The following HOMER1 variants were observed in gnomAD, a reference collection of about 807,000 sequenced individuals.
HOMER1 encodes the protein homer protein homolog 1.
HOMER1 carries 3 observed loss-of-function variants against 48.9 expected under a neutral mutation model. The observed-to-expected ratio is 0.06, with a 90% CI of 0.03 to 0.16. The LOEUF (loss-of-function observed/expected upper bound fraction) is 0.16. Among genes scored for constraint, HOMER1 ranks in the 10% least tolerant of loss-of-function variants. HOMER1 has a pLI of 1.00. For synonymous variants in HOMER1, 134 were observed against 146.4 expected, an observed-to-expected ratio of 0.92 and a Z score of 0.61; for missense variants, 247 against 411.4, an observed-to-expected ratio of 0.60 and a Z score of 3.46.
At chr5:79,384,073 G>C (rs1749047630) in intron 8 of HOMER1, among the ~76,000 whole-genome samples, 1 of 145,496 alleles carries the variant, frequency 6.9e-6, no homozygotes, top group Admixed American at 6.9e-5. Flanking sequence ...ATTTCAAATA[G>C]CAATCTAACA....
intron 1 of HOMER1, among the ~76,000 whole-genome samples, chr5:79,464,881 A>C (rs1751413106): frequency 6.6e-6 from 1 of 152,206 alleles, no homozygotes; most frequent in South Asian, 2.1e-4. Context: ...ATGGCTACCC[A>C]ACACATAATT....
intron 1 of HOMER1, among the ~76,000 whole-genome samples, chr5:79,503,791 G>A (rs1468091864): frequency 6.6e-6 from 1 of 151,860 alleles, no homozygotes; most frequent in Non-Finnish European, 1.5e-5. Flanking sequence ...TCCATTAAGT[G>A]GAAGTCGATC....
chr5:79,478,695 T>A (rs1440183327), intron 1 of HOMER1, among the ~76,000 whole-genome samples: 1 of 152,064 alleles, frequency 6.6e-6, no homozygotes, highest in Non-Finnish European at 1.5e-5. Context: ...CTCATGCCTG[T>A]AATCCCAGCA....
At chr5:79,405,063 A>C (rs1289967321) in intron 5 of HOMER1, among the ~76,000 whole-genome samples, 1 of 151,940 alleles carries the variant, frequency 6.6e-6, no homozygotes, top group Non-Finnish European at 1.5e-5. Context: ...TCCAAAACTC[A>C]TATATTGAAG....
intron 5 of HOMER1, among the ~76,000 whole-genome samples, chr5:79,424,534 A>C (rs965501676): frequency 7.9e-5 from 12 of 152,012 alleles, no homozygotes; most frequent in African/African-American, 2.9e-4. Flanking sequence ...ATAAACAAAA[A>C]CTTATGATTA....
intron 8 of HOMER1, among the ~76,000 whole-genome samples, chr5:79,380,723 T>A (rs1561341364): frequency 6.6e-6 from 1 of 151,548 alleles, no homozygotes; most frequent in African/African-American, 2.4e-5. Context: ...AATCGGGGGG[T>A]AGGGGGAGTG....
At position 79,513,108 on chromosome 5, in the gene HOMER1, G is replaced by A. The variant is rs1365883927; in HGVS notation, c.-334C>T. 4 of 352,228 alleles carry A rather than the reference G, an allele frequency of 1.1e-5. No individual in the cohort carries two copies. Among genetic ancestry groups the A allele is most frequent in the Non-Finnish European group, 1.6e-5 (3 of 192,938 alleles). The allele number at this position is 352,228 out of a possible 1,614,324, so 21.8% of individuals were successfully genotyped here. On this transcript the variant is annotated 5_prime_UTR_variant, in exon 1 of 9. Coordinates refer to ENST00000334082, the MANE Select transcript of HOMER1 (RefSeq NM_004272.5). ...CTTCACCGAGTCCTATAAAAAATGA[G>A]TTCGCTGGTCATTTCACTCATGTCC...
At chr5:79,460,622 AT>A (rs1197028586) in intron 1 of HOMER1, among the ~76,000 whole-genome samples, 3 of 152,064 alleles carry the variant, frequency 2.0e-5, no homozygotes, top group Non-Finnish European at 4.4e-5. Context: ...TAAGTAATAG[AT>A]TGGATATAGG....
intron 1 of HOMER1, among the ~76,000 whole-genome samples, chr5:79,478,815 G>A (rs994076274): frequency 5.9e-5 from 9 of 152,280 alleles, no homozygotes; most frequent in Admixed American, 5.9e-4. Flanking sequence ...AGCCGGGTAT[G>A]ATGGTGGGTG....
At chr5:79,494,996 T>C (rs1255727835) in intron 1 of HOMER1, among the ~76,000 whole-genome samples, 1 of 152,258 alleles carries the variant, frequency 6.6e-6, no homozygotes, top group Non-Finnish European at 1.5e-5. Flanking sequence ...TAAAGTCATA[T>C]GCAGGAAGAA....
chr5:79,385,548 A>G (rs1190984001), intron 8 of HOMER1, among the ~76,000 whole-genome samples: 1 of 152,108 alleles, frequency 6.6e-6, no homozygotes, highest in Non-Finnish European at 1.5e-5. Flanking sequence ...ACCAAATAAG[A>G]TATCATCTTA....
intron 2 of HOMER1, 65 bp downstream of exon 2, chr5:79,456,797 A>C: frequency 7.2e-7 from 1 of 1,389,664 alleles, no homozygotes; most frequent in Non-Finnish European, 1.0e-6. Flanking sequence ...TGTTCTGAAT[A>C]GAACTAAAAT....
chr5:79,404,118 G>C (rs1405725978), intron 5 of HOMER1, among the ~76,000 whole-genome samples: 1 of 152,126 alleles, frequency 6.6e-6, no homozygotes, highest in Admixed American at 6.5e-5. Flanking sequence ...ACTTCAATCT[G>C]ACGATTGACA....
chr5:79,380,788 G>A (rs1231733347), intron 8 of HOMER1, among the ~76,000 whole-genome samples: 1 of 152,060 alleles, frequency 6.6e-6, no homozygotes, highest in Non-Finnish European at 1.5e-5. Flanking sequence ...TCCTCCCAGG[G>A]GAATAAGGTT....
chr5:79,414,339 C>A (rs1360095881), intron 5 of HOMER1, among the ~76,000 whole-genome samples: 1 of 151,734 alleles, frequency 6.6e-6, no homozygotes, highest in Non-Finnish European at 1.5e-5. Context: ...AAGCGATCCA[C>A]CCTCCTCAGC....
At chr5:79,417,008 T>C (rs1749959876) in intron 5 of HOMER1, among the ~76,000 whole-genome samples, 1 of 152,126 alleles carries the variant, frequency 6.6e-6, no homozygotes, top group African/African-American at 2.4e-5. Flanking sequence ...AAAAAGCTAT[T>C]CAGTGGACCT....
Position 79,374,062 on chromosome 5 carries a change from C to A in HOMER1, c.*1947G>T, listed in dbSNP as rs1214273191. On this transcript the variant is annotated 3_prime_UTR_variant, in exon 9 of 9. Coordinates refer to ENST00000334082, the MANE Select transcript of HOMER1 (RefSeq NM_004272.5). Reference sequence around the variant, plus strand: ...AATTTTTTTAACTCTTCATACTAAACTCCCTGATCCCTAGTGTTAAATCTC... The same window carrying A: ...AATTTTTTTAACTCTTCATACTAAAATCCCTGATCCCTAGTGTTAAATCTC... 1 of 152,294 alleles carries A rather than the reference C, an allele frequency of 6.6e-6. No individual in the cohort carries two copies. The highest frequency in any genetic ancestry group is 1.5e-5 in the Non-Finnish European group (1 of 67,852). The allele number at this position is 152,294 out of a possible 1,614,324, so 9.4% of individuals were successfully genotyped here. A position where few individuals can be genotyped will look rare whatever the true frequency, so the allele number is the denominator to read the frequency against.
chr5:79,470,325 C>T (rs1045332832), intron 1 of HOMER1, among the ~76,000 whole-genome samples: 35 of 152,150 alleles, frequency 2.3e-4, no homozygotes, highest in South Asian at 1.0e-3. Flanking sequence ...GGACATATAT[C>T]TTGTTCCAAG....
chr5:79,458,669 T>C (rs1278624444), intron 1 of HOMER1, among the ~76,000 whole-genome samples: 2 of 152,310 alleles, frequency 1.3e-5, no homozygotes, highest in Admixed American at 6.5e-5. Flanking sequence ...ATACAACTTT[T>C]CTTATTAAAG....
Sources: gnomAD v4.1 joint callset for allele counts (sites outside exome capture counted in the v4.1 genomes callset) on GRCh38, gnomAD v4.1.1 for gene constraint, MANE v1.5 for transcripts, NCBI Gene and HGNC (gene_info 2026-07-23, HGNC 2026-07-21) for gene names.